Variants in TMEM131L observed in about 807,000 individuals in gnomAD.
TMEM131L encodes transmembrane 131 like.
A neutral mutation model predicts 192.2 loss-of-function variants in TMEM131L; 54 were observed. That is an observed-to-expected ratio of 0.28 (90% CI 0.23 to 0.35). The LOEUF is 0.35. Ranked by LOEUF, TMEM131L falls within the 10% of genes least tolerant of loss-of-function variation. The probability of loss-of-function intolerance (pLI) is 1.00; values close to 1 mark genes in which losing one functional copy is unlikely to be tolerated. For synonymous variants in TMEM131L, 701 were observed against 704.9 expected (o/e 0.99, Z 0.09); for missense variants, 1,888 against 1,972.9 (o/e 0.96, Z 0.82).
chr4:153,603,614 T>A, intron 24 of TMEM131L, 162 bp downstream of exon 24: 1 of 974,994 alleles, frequency 1.0e-6, no homozygotes, highest in Non-Finnish European at 1.5e-6. Context: ...TATTATGAGA[T>A]AGTCTCCATG....
rs561771626 is a variant in TMEM131L, at chr4:153,599,670, C to G, written c.2266+938C>G. 7.9e-5 allele frequency among the ~76,000 whole-genome samples: 12 copies of G among 152,282 alleles called. No homozygotes were observed. The East Asian group carries it at 2.1e-3, about 27-fold the overall frequency. ...CTGAAATGATGACTGGAGAAAACAT[C>G]AAAAGTGTGCTAACCAATAGCACTT... On this transcript the variant is annotated intron_variant, in intron 21 of 34. Coordinates refer to ENST00000409959, the MANE Select transcript of TMEM131L (RefSeq NM_001131007.2).
At chr4:153,619,229 G>A (rs1332868544) in intron 26 of TMEM131L, among the ~76,000 whole-genome samples, 1 of 152,204 alleles carries the variant, frequency 6.6e-6, no homozygotes, top group African/African-American at 2.4e-5. Context: ...TGACCTTGGA[G>A]GGATGGATAG....
At chr4:153,568,093 T>TTTTG (rs778348576) in intron 7 of TMEM131L, among the ~76,000 whole-genome samples, 1 of 152,212 alleles carries the variant, frequency 6.6e-6, no homozygotes, top group East Asian at 1.9e-4. Context: ...AATATAGCTT[T>TTTTG]TTTGTTTGTT....
Position 153,589,010 on chromosome 4 carries a change from A to G in TMEM131L, c.1670+3A>G, listed in dbSNP as rs1730886010. ...TATAAAAATGGTGACGTCTGCAAGT[A>G]CGTCTCCACTGTCTTCTTTTTTGTT... On this transcript the variant is annotated splice_donor_region_variant and intron_variant, in intron 16 of 34. Coordinates refer to ENST00000409959, the MANE Select transcript of TMEM131L (RefSeq NM_001131007.2). 3 of 1,436,952 alleles carry G rather than the reference A, an allele frequency of 2.1e-6. No individual in the cohort carries two copies. The East Asian group carries it at 6.8e-5, about 33-fold the overall frequency. 89.0% of individuals were successfully genotyped at this position (1,436,952 alleles called of 1,614,324 possible). A position where few individuals can be genotyped will look rare whatever the true frequency, so the allele number is the denominator to read the frequency against.
At chr4:153,494,567 A>T (rs182191265) in intron 3 of TMEM131L, among the ~76,000 whole-genome samples, 7 of 152,234 alleles carry the variant, frequency 4.6e-5, no homozygotes, top group African/African-American at 1.7e-4. Context: ...AAGGGGAAAC[A>T]GACGTTTAGA....
At chr4:153,606,357 C>T (rs565581408) in intron 25 of TMEM131L, among the ~76,000 whole-genome samples, 26 of 152,260 alleles carry the variant, frequency 1.7e-4, no homozygotes, top group African/African-American at 6.0e-4. Context: ...CGCTTGTGCC[C>T]ACAAGAGATA....
At chr4:153,590,029 G>A (rs1730962024) in intron 16 of TMEM131L, among the ~76,000 whole-genome samples, 1 of 152,126 alleles carries the variant, frequency 6.6e-6, no homozygotes, top group South Asian at 2.1e-4. Context: ...TGACATTCAT[G>A]TAATTATATT....
intron 21 of TMEM131L, 32 bp downstream of exon 21, chr4:153,598,764 G>C: frequency 6.6e-7 from 1 of 1,508,218 alleles, no homozygotes; most frequent in Non-Finnish European, 8.9e-7. Flanking sequence ...TCTGACAGGG[G>C]AGGTTGGCAT....
chr4:153,573,713 C>G (rs1024226170), intron 7 of TMEM131L, among the ~76,000 whole-genome samples: 4 of 151,998 alleles, frequency 2.6e-5, no homozygotes, highest in Non-Finnish European at 4.4e-5. Context: ...AGGTAGTGTC[C>G]AGTAAATGAC....
intron 3 of TMEM131L, among the ~76,000 whole-genome samples, chr4:153,545,526 A>G (rs932824126): frequency 3.3e-5 from 5 of 151,978 alleles, no homozygotes; most frequent in Non-Finnish European, 1.5e-5. Flanking sequence ...TGACCTCATG[A>G]TCCACCCACC....
At chr4:153,531,904 T>TC (rs1735927924) in intron 3 of TMEM131L, among the ~76,000 whole-genome samples, 1 of 152,126 alleles carries the variant, frequency 6.6e-6, no homozygotes, top group African/African-American at 2.4e-5. Context: ...CTCCACCACC[T>TC]CCCCACCAAA....
chr4:153,495,086 C>T (rs1338797141), intron 3 of TMEM131L, among the ~76,000 whole-genome samples: 2 of 152,134 alleles, frequency 1.3e-5, no homozygotes, highest in African/African-American at 4.8e-5. Flanking sequence ...GAGGCCGAGG[C>T]GGTGGATCAT....
In TMEM131L at chr4:153,623,058, G is replaced by A. The variant is rs80129309; in HGVS notation, c.4020G>A (p.Val1340=). ...SSSDGDKKPM[V]DAQHFLPAGD... The stretch of plus-strand genomic sequence containing the variant: ...CCGACGGGGATAAGAAGCCCATGGT[G>A]GACGCCCAGCACTTCCTGCCGGCCG... Residue 1340 remains valine, a synonymous_variant, in exon 29 of 35, where the codon GTG becomes GTA. Coordinates refer to ENST00000409959, the MANE Select transcript of TMEM131L (RefSeq NM_001131007.2). 1,060 of 1,610,594 alleles carry A rather than the reference G, an allele frequency of 6.6e-4. 11 individuals are homozygous for A. In the African/African-American group the frequency reaches 0.012, roughly 18 times the overall value.
intron 3 of TMEM131L, among the ~76,000 whole-genome samples, chr4:153,534,845 A>G (rs1396755299): frequency 6.6e-6 from 1 of 152,224 alleles, no homozygotes; most frequent in Non-Finnish European, 1.5e-5. Flanking sequence ...TAGGAGGACC[A>G]TATACTTGGG....
intron 20 of TMEM131L, among the ~76,000 whole-genome samples, chr4:153,597,522 G>A (rs527556129): frequency 1.3e-5 from 2 of 152,286 alleles, no homozygotes; most frequent in East Asian, 3.9e-4. Flanking sequence ...ATCCTTTAAA[G>A]ATGTAAAGCT....
chr4:153,611,765 A>G lies in TMEM131L; in HGVS notation c.3419-487A>G, dbSNP rs138704858. On this transcript the variant is annotated intron_variant, in intron 25 of 34. Transcript: ENST00000409959. ...TATCTGGCTAAGTTCACTTAGCATG[A>G]TGTCTTCAAGGTTCATCCATGTTGT... Among the ~76,000 whole-genome samples, 384 of 152,330 alleles carry G rather than the reference A, an allele frequency of 2.5e-3. 3 individuals are homozygous for G. The highest frequency in any genetic ancestry group is 8.5e-3 in the African/African-American group (353 of 41,572).
At chr4:153,531,076 G>A (rs1437490157) in intron 3 of TMEM131L, among the ~76,000 whole-genome samples, 3 of 152,220 alleles carry the variant, frequency 2.0e-5, no homozygotes, top group Non-Finnish European at 4.4e-5. Flanking sequence ...GTCACTGCAA[G>A]TATCCTGGAA....
chr4:153,480,068 G>A (rs762265765), intron 3 of TMEM131L, among the ~76,000 whole-genome samples: 1 of 152,182 alleles, frequency 6.6e-6, no homozygotes, highest in Non-Finnish European at 1.5e-5. Flanking sequence ...GGCTGGGCGC[G>A]GTGGCTCACG....
intron 25 of TMEM131L, among the ~76,000 whole-genome samples, chr4:153,611,591 C>T (rs1732615830): frequency 6.6e-6 from 1 of 152,210 alleles, no homozygotes; most frequent in Non-Finnish European, 1.5e-5. Flanking sequence ...TTTTAATAAT[C>T]TCAGACAGTA....
Sources: gnomAD v4.1 joint callset for allele counts (sites outside exome capture counted in the v4.1 genomes callset) on GRCh38, gnomAD v4.1.1 for gene constraint, MANE v1.5 for transcripts, NCBI Gene and HGNC (gene_info 2026-07-23, HGNC 2026-07-21) for gene names.